Variants in RASAL2 observed in about 807,000 individuals in gnomAD.
RASAL2 encodes ras GTPase-activating protein nGAP.
Under a neutral mutation model 128.9 loss-of-function variants are expected in RASAL2, and 58 were observed. That is an observed-to-expected ratio of 0.45 (90% CI 0.36 to 0.56). The LOEUF (loss-of-function observed/expected upper bound fraction) is 0.56, where lower values mean the gene tolerates loss of function less well. Ranked by LOEUF, RASAL2 falls within the 20% of genes least tolerant of loss-of-function variation. The probability of loss-of-function intolerance (pLI) is 0.00; values close to 1 mark genes in which losing one functional copy is unlikely to be tolerated. For missense variants in RASAL2, 1,360 were observed against 1,601.6 expected (o/e 0.85, Z 2.57); for synonymous variants, 561 against 580.8 (o/e 0.97, Z 0.49).
chr1:178,257,423 ATGTGTGTGTGTG>A (rs71108037), intron 1 of RASAL2, among the ~76,000 whole-genome samples: 7 of 147,244 alleles, frequency 4.8e-5, no homozygotes, highest in Admixed American at 2.7e-4. Context: ...GCTCAGGGAT[ATGTGTGTGTGTG>A]TGTGTGTGTG....
chr1:178,364,883 T>C (rs1671318831), intron 3 of RASAL2, among the ~76,000 whole-genome samples: 1 of 152,172 alleles, frequency 6.6e-6, no homozygotes, highest in African/African-American at 2.4e-5. Flanking sequence ...ATCTGTTCAT[T>C]AACAACAGCT....
At chr1:178,337,179 T>TAATTGTTAC (rs1669627959) in intron 3 of RASAL2, among the ~76,000 whole-genome samples, 1 of 152,208 alleles carries the variant, frequency 6.6e-6, no homozygotes, top group African/African-American at 2.4e-5. Context: ...GTGACTATCA[T>TAATTGTTAC]AATTGTTACT....
chr1:178,458,034 AGGT>A lies in RASAL2; in HGVS notation c.2745_2747del (p.Gly916del). Reference sequence around the variant, plus strand: ...CCCTGCACCCAGCCTTGAACCAGCCAGGTGGCCTTCAGCCCTTGTCGTTCCAGA... The same window carrying A: ...CCCTGCACCCAGCCTTGAACCAGCCAGGCCTTCAGCCCTTGTCGTTCCAGA... On this transcript the variant is annotated inframe_deletion, in exon 14 of 18. Transcript: ENST00000367649. 1.2e-6 allele frequency: 2 copies of A among 1,614,194 alleles called. No individual in the cohort carries two copies. Among genetic ancestry groups the A allele is most frequent in the Non-Finnish European group, 1.7e-6 (2 of 1,180,042 alleles).
At chr1:178,379,977 T>A (rs1672193000) in intron 3 of RASAL2, among the ~76,000 whole-genome samples, 1 of 152,188 alleles carries the variant, frequency 6.6e-6, no homozygotes, top group Admixed American at 6.5e-5. Context: ...CTCAGCGCCT[T>A]GCCTCCCAGC....
intron 3 of RASAL2, among the ~76,000 whole-genome samples, chr1:178,330,211 C>T (rs1571869679): frequency 6.6e-6 from 1 of 152,052 alleles, no homozygotes; most frequent in East Asian, 1.9e-4. Context: ...TTGTTTGATT[C>T]GATAAATTTG....
chr1:178,144,415 G>A (rs1369250730), intron 1 of RASAL2, among the ~76,000 whole-genome samples: 1 of 152,048 alleles, frequency 6.6e-6, no homozygotes, highest in Non-Finnish European at 1.5e-5. Context: ...TTCACATTCT[G>A]TATTGATTTT....
At chr1:178,111,978 C>T (rs1203874710) in intron 1 of RASAL2, among the ~76,000 whole-genome samples, 2 of 152,184 alleles carry the variant, frequency 1.3e-5, no homozygotes, top group Non-Finnish European at 2.9e-5. Context: ...ATCTGCCTGC[C>T]TCCACCTCCC....
chr1:178,439,228 A>G (rs1350894303), intron 5 of RASAL2, among the ~76,000 whole-genome samples, 194 bp from the exon 6 acceptor site: 1 of 152,120 alleles, frequency 6.6e-6, no homozygotes, highest in African/African-American at 2.4e-5. Flanking sequence ...GCACTCACAT[A>G]GATATATAGA....
chr1:178,471,102 C>T (rs902852331), intron 17 of RASAL2, among the ~76,000 whole-genome samples: 2 of 152,140 alleles, frequency 1.3e-5, no homozygotes, highest in African/African-American at 2.4e-5. Context: ...GGCTTTTTGA[C>T]CCTTTAAAAA....
At chr1:178,153,292 A>T (rs1660974965) in intron 1 of RASAL2, among the ~76,000 whole-genome samples, 1 of 152,144 alleles carries the variant, frequency 6.6e-6, no homozygotes, top group African/African-American at 2.4e-5. Flanking sequence ...TTTTGGTAAG[A>T]TGACTTTAAA....
At chr1:178,149,332 A>G (rs528538935) in intron 1 of RASAL2, among the ~76,000 whole-genome samples, 53 of 152,294 alleles carry the variant, frequency 3.5e-4, no homozygotes, top group African/African-American at 1.2e-3. Context: ...CCAAAATCTG[A>G]TTAAGTAAAA....
rs1397184 is a variant in RASAL2 at position 178,465,811 on chromosome 1, G to A, written c.3388-109G>A. On this transcript the variant is annotated intron_variant, in intron 15 of 17. Coordinates refer to ENST00000367649, the MANE Select transcript of RASAL2 (RefSeq NM_170692.4). ...TTAGGGTTTCTTTTGTTAAAAAAAA[G>A]AAAAAAGAAAAAGAAAAAAAGAAAG... 0.016 allele frequency: 16,934 copies of A among 1,070,252 alleles called. 1,631 individuals are homozygous for A. The African/African-American group carries it at 0.24, about 15-fold the overall frequency. The allele number at this position is 1,070,252 out of a possible 1,614,324, so 66.3% of individuals were successfully genotyped here. A position where few individuals can be genotyped will look rare whatever the true frequency, so the allele number is the denominator to read the frequency against.
chr1:178,234,330 A>T (rs555670251), intron 1 of RASAL2, among the ~76,000 whole-genome samples: 35 of 152,350 alleles, frequency 2.3e-4, no homozygotes, highest in African/African-American at 7.5e-4. Context: ...AATGTAGAGC[A>T]GAATTACACT....
In RASAL2 at chr1:178,293,677, C is replaced by T. The variant is rs548623062; in HGVS notation, c.331-6315C>T. On this transcript the variant is annotated intron_variant, in intron 2 of 17. Coordinates refer to ENST00000367649, the MANE Select transcript of RASAL2 (RefSeq NM_170692.4). ...ATGCTTTTTCCTTTGCCTAAAATGG[C>T]CCCCATCTCTACCTATCATTCACTT... 2.0e-3 allele frequency among the ~76,000 whole-genome samples: 303 copies of T among 152,336 alleles called. 2 individuals carry two copies. Among genetic ancestry groups the T allele is most frequent in the Middle Eastern group, 3.4e-3 (1 of 294 alleles).
In RASAL2 at chr1:178,255,741, C is replaced by G. The variant is rs1026007242; in HGVS notation, c.203-27823C>G. Among the ~76,000 whole-genome samples, 13 of 151,806 alleles carry G rather than the reference C, an allele frequency of 8.6e-5. 1 individual carries two copies. The highest frequency in any genetic ancestry group is 3.2e-3 in the Middle Eastern group (1 of 316). ...ATTTAAATGTATTAGAAAATATTCA[C>G]TTAATGCAAAAGAAAGCAGTAAAAG... On this transcript the variant is annotated intron_variant, in intron 1 of 17. Transcript: ENST00000367649.
chr1:178,333,786 T>C (rs1669457170), intron 3 of RASAL2, among the ~76,000 whole-genome samples: 1 of 152,232 alleles, frequency 6.6e-6, no homozygotes, highest in African/African-American at 2.4e-5. Context: ...TATCTTTTCT[T>C]AGAATTACTT....
At chr1:178,459,032 C>G (rs1236818198) in intron 14 of RASAL2, among the ~76,000 whole-genome samples, 1 of 152,080 alleles carries the variant, frequency 6.6e-6, no homozygotes, top group Non-Finnish European at 1.5e-5. Context: ...GTGGCTTTTC[C>G]TGGAAATAGC....
intron 1 of RASAL2, among the ~76,000 whole-genome samples, chr1:178,145,113 G>A (rs1660678686): frequency 6.6e-6 from 1 of 152,118 alleles, no homozygotes; most frequent in Admixed American, 6.6e-5. Context: ...AAACACAAGG[G>A]AAAGGTATTT....
chr1:178,397,802 A>T (rs1427932056), intron 4 of RASAL2, among the ~76,000 whole-genome samples: 2 of 148,048 alleles, frequency 1.4e-5, no homozygotes, highest in African/African-American at 5.0e-5. Context: ...TTTTGGAGAG[A>T]TGGGATCTTG....
Sources: allele counts gnomAD v4.1 joint callset (sites outside exome capture counted in the v4.1 genomes callset), GRCh38; gene constraint gnomAD v4.1.1; transcripts MANE v1.5; gene names NCBI Gene and HGNC (gene_info 2026-07-23, HGNC 2026-07-21).